Variants in NRG1 observed in about 807,000 individuals in gnomAD.
The protein encoded by NRG1 is pro-neuregulin-1, membrane-bound isoform.
In NRG1, 18 loss-of-function variants were observed where a neutral mutation model predicts 63.8. The ratio of observed to expected loss-of-function variants is 0.28; its 90% CI spans 0.19 to 0.42. The LOEUF is 0.42. NRG1 is among the 10% of genes least tolerant of loss of function. The probability of loss-of-function intolerance (pLI) is 1.00; values close to 1 mark genes in which losing one functional copy is unlikely to be tolerated. For missense variants in NRG1, 762 were observed against 814.7 expected, an observed-to-expected ratio of 0.94 and a Z score of 0.79; for synonymous variants, 302 against 301.3, an observed-to-expected ratio of 1.00 and a Z score of -0.02.
intron 1 of NRG1, among the ~76,000 whole-genome samples, chr8:32,365,336 G>C (rs1183508326): frequency 1.3e-5 from 2 of 151,648 alleles, no homozygotes; most frequent in Non-Finnish European, 2.9e-5. Context: ...ATTTCCTTTT[G>C]TGTGCTACTT....
intron 1 of NRG1, among the ~76,000 whole-genome samples, chr8:32,468,518 C>G (rs1004471945): frequency 6.6e-6 from 1 of 152,298 alleles, no homozygotes; most frequent in Admixed American, 6.5e-5. Context: ...TAGGTTAGCA[C>G]AACTTTTCAC....
intron 1 of NRG1, among the ~76,000 whole-genome samples, chr8:32,464,350 T>C (rs991684298): frequency 8.3e-6 from 1 of 121,116 alleles, no homozygotes; most frequent in African/African-American, 3.2e-5. Flanking sequence ...AGGATAGGGA[T>C]TTTAAGTATC....
At chr8:32,356,594 G>A (rs1806467674) in intron 1 of NRG1, among the ~76,000 whole-genome samples, 1 of 151,064 alleles carries the variant, frequency 6.6e-6, no homozygotes, top group Non-Finnish European at 1.5e-5. Context: ...AATTAGTGCT[G>A]AGTATCTGTT....
At chr8:32,230,623 T>C (rs1389630623) in intron 1 of NRG1, among the ~76,000 whole-genome samples, 1 of 151,912 alleles carries the variant, frequency 6.6e-6, no homozygotes, top group Non-Finnish European at 1.5e-5. Context: ...ACAGTCCAAA[T>C]GAGAGGACCA....
At chr8:31,726,139 TA>T (rs1185533409) in intron 1 of NRG1, among the ~76,000 whole-genome samples, 1 of 151,958 alleles carries the variant, frequency 6.6e-6, no homozygotes, top group African/African-American at 2.4e-5. Context: ...ATTTTCCTAT[TA>T]AAAAAAGGGG....
intron 1 of NRG1, among the ~76,000 whole-genome samples, chr8:32,092,352 GA>G (rs1829290121): frequency 6.6e-6 from 1 of 151,216 alleles, no homozygotes; most frequent in Non-Finnish European, 1.5e-5. Context: ...AGCTGCTCAA[GA>G]GGCTGAGGCA....
chr8:31,992,441 T>C (rs567999694), intron 1 of NRG1, among the ~76,000 whole-genome samples: 3 of 152,016 alleles, frequency 2.0e-5, no homozygotes, highest in Admixed American at 2.0e-4. Context: ...GGGGAGGGAA[T>C]GGAGGATAAT....
intron 1 of NRG1, among the ~76,000 whole-genome samples, chr8:31,801,839 C>T (rs1437460266): frequency 1.3e-5 from 2 of 152,194 alleles, no homozygotes; most frequent in Non-Finnish European, 2.9e-5. Flanking sequence ...CAGTGATTTG[C>T]ATGCCATTAG....
intron 1 of NRG1, among the ~76,000 whole-genome samples, chr8:31,887,274 G>A (rs1264300141): frequency 6.6e-6 from 1 of 151,910 alleles, no homozygotes; most frequent in Admixed American, 6.6e-5. Flanking sequence ...TAAGAGAAAA[G>A]GCAGAATTAG....
intron 1 of NRG1, among the ~76,000 whole-genome samples, chr8:32,408,575 G>C (rs1350342333): frequency 6.8e-6 from 1 of 148,134 alleles, no homozygotes; most frequent in Non-Finnish European, 1.5e-5. Flanking sequence ...TGCAGAGGGG[G>C]AAATCTCCAA....
At chr8:31,887,377 A>T (rs1830801916) in intron 1 of NRG1, among the ~76,000 whole-genome samples, 1 of 152,112 alleles carries the variant, frequency 6.6e-6, no homozygotes, top group African/African-American at 2.4e-5. Context: ...TACATCAATA[A>T]GATTTTAATT....
At chr8:32,181,081 C>A (rs1410841215) in intron 1 of NRG1, among the ~76,000 whole-genome samples, 1 of 152,164 alleles carries the variant, frequency 6.6e-6, no homozygotes, top group African/African-American at 2.4e-5. Flanking sequence ...TGCCTACATT[C>A]AAACTCAGTG....
intron 1 of NRG1, among the ~76,000 whole-genome samples, chr8:32,324,471 A>C (rs1010291184): frequency 3.3e-5 from 5 of 152,106 alleles, no homozygotes; most frequent in Non-Finnish European, 5.9e-5. Flanking sequence ...CTGAGTTGGG[A>C]TGTAGGTGTG....
intron 1 of NRG1, among the ~76,000 whole-genome samples, chr8:32,187,520 C>T (rs1251065812): frequency 6.6e-6 from 1 of 152,176 alleles, no homozygotes; most frequent in African/African-American, 2.4e-5. Flanking sequence ...TCCCTGGAGT[C>T]AGGGCATCAC....
intron 1 of NRG1, among the ~76,000 whole-genome samples, chr8:31,987,470 C>A (rs2129631878): frequency 6.6e-6 from 1 of 151,692 alleles, no homozygotes; most frequent in East Asian, 2.0e-4. Flanking sequence ...GAGGCCATTA[C>A]CCTCAGTAAA....
At chr8:31,933,683 T>G (rs1835050665) in intron 1 of NRG1, among the ~76,000 whole-genome samples, 1 of 152,184 alleles carries the variant, frequency 6.6e-6, no homozygotes, top group South Asian at 2.1e-4. Flanking sequence ...CAGAACAAAA[T>G]CATCTGATTC....
intron 11 of NRG1, among the ~76,000 whole-genome samples, chr8:32,761,636 C>T (rs1184024341): frequency 6.7e-6 from 1 of 149,308 alleles, no homozygotes; most frequent in African/African-American, 2.5e-5. Flanking sequence ...TAATCCTTGA[C>T]CATTTACTAA....
chr8:31,754,484 C>G (rs1008721863), intron 1 of NRG1, among the ~76,000 whole-genome samples: 3 of 152,102 alleles, frequency 2.0e-5, no homozygotes, highest in Admixed American at 1.3e-4. Flanking sequence ...TCCCCAGAAG[C>G]TGAGCAGATG....
chr8:32,092,578 C>T (rs1332364579), intron 1 of NRG1, among the ~76,000 whole-genome samples: 2 of 151,824 alleles, frequency 1.3e-5, no homozygotes, highest in African/African-American at 2.4e-5. Flanking sequence ...GGCAGAGCTG[C>T]GGGAGCTCCG....
Sources: allele counts gnomAD v4.1 joint callset (sites outside exome capture counted in the v4.1 genomes callset), GRCh38; gene constraint gnomAD v4.1.1; transcripts MANE v1.5; gene names NCBI Gene and HGNC (gene_info 2026-07-23, HGNC 2026-07-21).